The following MON2 variants were observed in gnomAD, a reference collection of about 807,000 sequenced individuals.
MON2 encodes the protein MON2 regulator of endosome-to-Golgi trafficking.
MON2 carries 84 observed loss-of-function variants against 208.6 expected under a neutral mutation model. The ratio of observed to expected loss-of-function variants is 0.40; its 90% confidence interval spans 0.34 to 0.48. The LOEUF (loss-of-function observed/expected upper bound fraction) is 0.48. Among genes scored for constraint, MON2 ranks in the 20% least tolerant of loss-of-function variants. MON2 has a pLI of 0.59. For missense variants in MON2, 1,611 were observed against 2,015.4 expected (o/e 0.80, Z 3.84); for synonymous variants, 660 against 694.0 (o/e 0.95, Z 0.77).
At chr12:62,467,358 T>C in intron 1 of MON2, 40 bp downstream of exon 1, 1 of 1,517,220 alleles carries the variant, frequency 6.6e-7, no homozygotes, top group Non-Finnish European at 9.2e-7. Flanking sequence ...ACTGTGAGCA[T>C]GCCTGGTCCT....
chr12:62,471,365 A>G (rs1420100335), intron 1 of MON2, among the ~76,000 whole-genome samples: 1 of 152,016 alleles, frequency 6.6e-6, no homozygotes, highest in Non-Finnish European at 1.5e-5. Context: ...TGTATTTTTA[A>G]TAGAGACGGG....
chr12:62,522,429 A>G (rs1358332314), intron 8 of MON2, among the ~76,000 whole-genome samples: 1 of 152,202 alleles, frequency 6.6e-6, no homozygotes, highest in Non-Finnish European at 1.5e-5. Context: ...TTGTCTGCCA[A>G]GTCAACTCTT....
At chr12:62,572,701 C>T (rs1364924950) in intron 30 of MON2, among the ~76,000 whole-genome samples, 3 of 152,138 alleles carry the variant, frequency 2.0e-5, no homozygotes, top group South Asian at 2.1e-4. Flanking sequence ...CCTCCCACTT[C>T]GGCTTCACAA....
At chr12:62,467,349 C>G in intron 1 of MON2, 31 bp downstream of exon 1, 1 of 1,546,968 alleles carries the variant, frequency 6.5e-7, no homozygotes, top group Non-Finnish European at 8.9e-7. Context: ...GGAGAAGGCA[C>G]TGTGAGCATG....
chr12:62,579,614 T>C (rs2074931424), intron 31 of MON2, among the ~76,000 whole-genome samples: 1 of 150,868 alleles, frequency 6.6e-6, no homozygotes, highest in South Asian at 2.1e-4. Flanking sequence ...TAGTCCCAGC[T>C]ACTTGGGAGG....
At chr12:62,592,024 G>A (rs569362161) in intron 34 of MON2, among the ~76,000 whole-genome samples, 3 of 152,214 alleles carry the variant, frequency 2.0e-5, no homozygotes, top group African/African-American at 7.2e-5. Context: ...TGGTGAAGAA[G>A]CCAGACATGG....
At chr12:62,553,690 T>G (rs1462674307) in intron 24 of MON2, among the ~76,000 whole-genome samples, 1 of 152,232 alleles carries the variant, frequency 6.6e-6, no homozygotes, top group African/African-American at 2.4e-5. Flanking sequence ...ATGTAATGTT[T>G]ATTCATTAAA....
At chr12:62,488,219 T>C (rs2069907905) in intron 2 of MON2, among the ~76,000 whole-genome samples, 1 of 152,178 alleles carries the variant, frequency 6.6e-6, no homozygotes, top group South Asian at 2.1e-4. Flanking sequence ...ATAGAATTTT[T>C]ATACTATGTG....
chr12:62,487,744 A>G (rs1281187485), intron 2 of MON2, among the ~76,000 whole-genome samples: 2 of 152,116 alleles, frequency 1.3e-5, no homozygotes, highest in Non-Finnish European at 2.9e-5. Flanking sequence ...TCTATAGAAT[A>G]TATCATGCAA....
rs141578066 is a variant in MON2, at chr12:62,526,020, A to T, written c.1318A>T (p.Thr440Ser). ...SGMVGIGGGV[T>S]LLPAFEYRGT... is the part of the protein sequence containing the mutation. Reference sequence around the variant, plus strand: ...AATGGTGGGGATTGGTGGAGGTGTTACTTTGCTACCAGCATTTGAATATAG... The same window carrying T: ...AATGGTGGGGATTGGTGGAGGTGTTTCTTTGCTACCAGCATTTGAATATAG... Residue 440 changes from threonine (T) to serine (S), a missense_variant, in exon 11 of 35, where the codon ACT becomes TCT. By Grantham distance (58) the Thr-to-Ser change is moderately conservative. Transcript: ENST00000393630. 2.5e-6 allele frequency: 4 copies of T among 1,613,862 alleles called. No individual in the cohort carries two copies. The highest frequency in any genetic ancestry group is 3.4e-6 in the Non-Finnish European group (4 of 1,179,822).
intron 4 of MON2, among the ~76,000 whole-genome samples, chr12:62,495,557 G>T (rs1197367997): frequency 1.3e-5 from 2 of 151,736 alleles, no homozygotes; most frequent in African/African-American, 2.4e-5. Flanking sequence ...AGGTGTAGTG[G>T]CGGGCGCCTG....
chr12:62,550,905 CTTTCTTTT>C (rs1420825956), intron 23 of MON2, among the ~76,000 whole-genome samples: 3 of 118,392 alleles, frequency 2.5e-5, no homozygotes, highest in African/African-American at 9.7e-5. Flanking sequence ...TTTCTTCTTT[CTTTCTTTT>C]TTTTTTTTTT....
intron 8 of MON2, among the ~76,000 whole-genome samples, chr12:62,516,592 T>C (rs1002362465): frequency 1.3e-5 from 2 of 152,106 alleles, no homozygotes; most frequent in African/African-American, 4.8e-5. Flanking sequence ...TAATCCCAGC[T>C]ACTCGGGAGG....
chr12:62,594,044 C>A lies in MON2; in HGVS notation c.*1295C>A, dbSNP rs2136528400. 1 of 152,196 alleles carries A rather than the reference C, an allele frequency of 6.6e-6. No homozygotes were observed. Among genetic ancestry groups the A allele is most frequent in the East Asian group, 1.9e-4 (1 of 5,184 alleles). 9.4% of individuals were successfully genotyped at this position (152,196 alleles called of 1,614,324 possible). A position where few individuals can be genotyped will look rare whatever the true frequency, so the allele number is the denominator to read the frequency against. On this transcript the variant is annotated 3_prime_UTR_variant, in exon 35 of 35. Coordinates refer to ENST00000393630, the MANE Select transcript of MON2 (RefSeq NM_015026.3). ...TTAAAATACTGACTTTGACCTAGCT[C>A]ACTGTATTTTTTATTTAATGGATTA...
At chr12:62,569,194 G>T (rs2074497379) in intron 29 of MON2, among the ~76,000 whole-genome samples, 2 of 152,042 alleles carry the variant, frequency 1.3e-5, no homozygotes, top group African/African-American at 4.8e-5. Flanking sequence ...TGTTTTTCTT[G>T]ATTTTAATAA....
chr12:62,537,339 A>G (rs1182347409), intron 15 of MON2, 76 bp downstream of exon 15: 7 of 1,016,806 alleles, frequency 6.9e-6, no homozygotes, highest in Non-Finnish European at 1.0e-5. Context: ...GTGTTTGCCA[A>G]AATGTGTCAT....
At chr12:62,580,498 G>T in intron 32 of MON2, 78 bp downstream of exon 32, 6 of 1,314,230 alleles carry the variant, frequency 4.6e-6, no homozygotes, top group Non-Finnish European at 6.3e-6. Context: ...TTAATCCTAT[G>T]ATTTTGGTAA....
At chr12:62,562,035 G>A (rs1377551866) in intron 26 of MON2, among the ~76,000 whole-genome samples, 1 of 151,952 alleles carries the variant, frequency 6.6e-6, no homozygotes, top group African/African-American at 2.4e-5. Flanking sequence ...AAAAGAATCT[G>A]GCATTTAAAA....
chr12:62,599,292 T>G lies in MON2; in HGVS notation c.*6543T>G, dbSNP rs946298395. The G allele has an allele frequency of 6.6e-6, 1 of 152,222 alleles. No individual in the cohort carries two copies. Among genetic ancestry groups the G allele is most frequent in the African/African-American group, 2.4e-5 (1 of 41,468 alleles). The allele number at this position is 152,222 out of a possible 1,614,324, so 9.4% of individuals were successfully genotyped here. A position where few individuals can be genotyped will look rare whatever the true frequency, so the allele number is the denominator to read the frequency against. Reference sequence around the variant, plus strand: ...GTCAAGTAAAAATCCTGATGTAGATTAGATTATCTTAATCTTATGAGCATT... The same window carrying G: ...GTCAAGTAAAAATCCTGATGTAGATGAGATTATCTTAATCTTATGAGCATT... On this transcript the variant is annotated 3_prime_UTR_variant, in exon 35 of 35. Coordinates refer to ENST00000393630, the MANE Select transcript of MON2 (RefSeq NM_015026.3).
Sources: allele counts gnomAD v4.1 joint callset (sites outside exome capture counted in the v4.1 genomes callset), GRCh38; gene constraint gnomAD v4.1.1; transcripts MANE v1.5; gene names NCBI Gene and HGNC (gene_info 2026-07-23, HGNC 2026-07-21).